The following ZNF318 variants were observed in gnomAD, a reference collection of about 807,000 sequenced individuals.
ZNF318 encodes zinc finger protein 318.
Under a neutral mutation model 124.2 loss-of-function variants are expected in ZNF318, and 51 were observed. That is an observed-to-expected ratio of 0.41 (90% CI 0.33 to 0.52). The LOEUF is 0.52. ZNF318 is among the 20% of genes least tolerant of loss of function. The pLI is 0.23. For missense variants in ZNF318, 2,815 were observed against 2,811.2 expected (o/e 1.00, Z -0.03); for synonymous variants, 1,090 against 1,040.7 (o/e 1.05, Z -0.91).
At chr6:43,361,674 G>A (rs989790125) in intron 2 of ZNF318, among the ~76,000 whole-genome samples, 2 of 152,196 alleles carry the variant, frequency 1.3e-5, no homozygotes, top group African/African-American at 2.4e-5. Flanking sequence ...CAAGTCTTTA[G>A]AAGCCAAGTG....
intron 2 of ZNF318, 109 bp downstream of exon 2, chr6:43,365,183 G>C: frequency 8.0e-7 from 1 of 1,249,660 alleles, no homozygotes; most frequent in Non-Finnish European, 1.1e-6. Flanking sequence ...TGTGGCATAG[G>C]AAATAACTTT....
At chr6:43,351,911 CG>C (rs1779529054) in intron 5 of ZNF318, among the ~76,000 whole-genome samples, 1 of 152,016 alleles carries the variant, frequency 6.6e-6, no homozygotes. Context: ...GAGGCTAAGG[CG>C]GGTGGATCAC....
In ZNF318 at chr6:43,368,961, G is replaced by A; in HGVS notation, c.399+6C>T. ...GGAGGGAGTCCTGGACGAGGGGTGGGATTACCCGGCTGCCGCTGTCGCCTG... is the reference window on the plus strand; with the variant it reads ...GGAGGGAGTCCTGGACGAGGGGTGGAATTACCCGGCTGCCGCTGTCGCCTG... On this transcript the variant is annotated splice_donor_region_variant and intron_variant, in intron 1 of 9. Coordinates refer to ENST00000361428, the MANE Select transcript of ZNF318 (RefSeq NM_014345.3). 3.6e-6 allele frequency: 5 copies of A among 1,400,224 alleles called. No homozygotes were observed. The highest frequency in any genetic ancestry group is 3.7e-6 in the Non-Finnish European group (4 of 1,074,782). The allele number at this position is 1,400,224 out of a possible 1,614,324, so 86.7% of individuals were successfully genotyped here.
intron 4 of ZNF318, among the ~76,000 whole-genome samples, chr6:43,353,851 T>C (rs528472014): frequency 6.6e-6 from 1 of 152,332 alleles, no homozygotes; most frequent in Admixed American, 6.5e-5. Flanking sequence ...CTGCTCTAAA[T>C]TATCAGAATT....
rs73416716 is a variant in ZNF318, at chr6:43,365,547, C to T, written c.400-107G>A. 8,109 of 1,160,606 alleles carry T rather than the reference C, an allele frequency of 7.0e-3. 367 individuals are homozygous for T. In the African/African-American group the frequency reaches 0.098, roughly 14 times the overall value. The allele number at this position is 1,160,606 out of a possible 1,614,324, so 71.9% of individuals were successfully genotyped here. A position where few individuals can be genotyped will look rare whatever the true frequency, so the allele number is the denominator to read the frequency against. ...GTTAGCCAGGCATGGTGGCTCATGC[C>T]TGTATACCCAACACTTTGGGAGGCT... On this transcript the variant is annotated intron_variant, in intron 1 of 9. Transcript: ENST00000361428.
intron 6 of ZNF318, among the ~76,000 whole-genome samples, chr6:43,345,066 G>A (rs1384536368): frequency 1.3e-5 from 2 of 151,772 alleles, no homozygotes; most frequent in African/African-American, 2.4e-5. Flanking sequence ...GAAACATGGC[G>A]AAACCTCAAC....
In ZNF318 at chr6:43,369,061, C is replaced by A; in HGVS notation, c.305G>T (p.Gly102Val). 2.2e-6 allele frequency: 3 copies of A among 1,348,004 alleles called. No individual in the cohort carries two copies. Among genetic ancestry groups the A allele is most frequent in the Non-Finnish European group, 2.9e-6 (3 of 1,046,840 alleles). The allele number at this position is 1,348,004 out of a possible 1,614,324, so 83.5% of individuals were successfully genotyped here. A position where few individuals can be genotyped will look rare whatever the true frequency, so the allele number is the denominator to read the frequency against. The stretch of plus-strand genomic sequence containing the variant: ...GCTGCTGCCTCTGAAGCCGGCCGGG[C>A]CCGGCGGGAAGAGTCGTCGGCCCCG... ...PPRGRRLFPP[G>V]PAGFRGSSRG... Residue 102 changes from glycine to valine, a missense_variant, in exon 1 of 10, where the codon GGC becomes GTC. Physicochemically the swap from Gly to Val is moderately radical, Grantham distance 109 (BLOSUM62 -3). Transcript: ENST00000361428.
chr6:43,369,450 C>G lies in ZNF318; in HGVS notation c.-85G>C. 1 of 1,058,390 alleles carries G rather than the reference C, an allele frequency of 9.4e-7. No homozygotes were observed. The highest frequency in any genetic ancestry group is 1.2e-6 in the Non-Finnish European group (1 of 858,418). 65.6% of individuals were successfully genotyped at this position (1,058,390 alleles called of 1,614,324 possible). A position where few individuals can be genotyped will look rare whatever the true frequency, so the allele number is the denominator to read the frequency against. ...TCGGAGCGCGCCGCCGCAGCTGCAG[C>G]CGCCGCCACCTCGGCCGCTGCGCGC... On this transcript the variant is annotated 5_prime_UTR_variant, in exon 1 of 10. Transcript: ENST00000361428.
At position 43,356,009 on chromosome 6, in the gene ZNF318, G is replaced by A; in HGVS notation, c.1325C>T (p.Ala442Val). Reference protein sequence around the residue: ...IENKGTMVETALKEPQGNLYQ... With the variant: ...IENKGTMVETVLKEPQGNLYQ... ...GAGGTTGCCCTGAGGTTCCTTCAAG[G>A]CAGTCTCTACCATAGTCCCCTTGTT... The change falls in exon 4 of 10, where the codon GCC becomes GTC. Residue 442 changes from alanine (A) to valine (V), a missense_variant. Transcript: ENST00000361428. 6.2e-7 allele frequency: 1 copy of A among 1,614,200 alleles called. No individual in the cohort carries two copies. The highest frequency in any genetic ancestry group is 1.1e-5 in the South Asian group (1 of 91,084).
intron 3 of ZNF318, 59 bp from the exon 4 acceptor site, chr6:43,356,204 GAGAT>G (rs1197840555): frequency 1.3e-6 from 2 of 1,513,660 alleles, no homozygotes; most frequent in African/African-American, 2.8e-5. Flanking sequence ...ATTAGTAATT[GAGAT>G]AAATACTTAA....
chr6:43,368,628 G>A (rs1779792484), intron 1 of ZNF318: 43 of 972,014 alleles, frequency 4.4e-5, no homozygotes, highest in Non-Finnish European at 5.1e-5. Flanking sequence ...GAACCCCGAG[G>A]ACACATCAAC....
chr6:43,369,487 C>G lies in ZNF318; in HGVS notation c.-122G>C, dbSNP rs1351705434. On this transcript the variant is annotated 5_prime_UTR_variant, in exon 1 of 10. Transcript: ENST00000361428. ...CGGCCGCTGCGCGCCGCCTCAGCCG[C>G]GGGAGCAGCCCCCTCCCCTCGGCCC... is the stretch of plus-strand genomic sequence containing the variant. 1.3e-5 allele frequency: 10 copies of G among 780,156 alleles called. No individual in the cohort carries two copies. The highest frequency in any genetic ancestry group is 1.6e-5 in the Non-Finnish European group (10 of 623,066). 48.3% of individuals were successfully genotyped at this position (780,156 alleles called of 1,614,324 possible). A position where few individuals can be genotyped will look rare whatever the true frequency, so the allele number is the denominator to read the frequency against.
chr6:43,368,432 G>A (rs1351367245), intron 1 of ZNF318, among the ~76,000 whole-genome samples: 2 of 152,226 alleles, frequency 1.3e-5, no homozygotes, highest in African/African-American at 4.8e-5. Flanking sequence ...GGCTATGGCA[G>A]TGACTGTGGT....
At position 43,357,616 on chromosome 6, in the gene ZNF318, C is replaced by G. The variant is rs144602640; in HGVS notation, c.698G>C (p.Arg233Pro). 6.2e-7 allele frequency: 1 copy of G among 1,613,974 alleles called. No individual in the cohort carries two copies. The highest frequency in any genetic ancestry group is 8.5e-7 in the Non-Finnish European group (1 of 1,180,014). Residue 233 changes from arginine (R) to proline (P), a missense_variant, in exon 3 of 10, where the codon CGA (arginine) becomes CCA (proline). Transcript: ENST00000361428. ...DYRTKETFLH[R>P]SDYSPHISCH... ...ACTGATATGGGGACTATAATCAGATCGATGCAGGAAAGTTTCTTTTGTTCG... is the reference window on the plus strand; with the variant it reads ...ACTGATATGGGGACTATAATCAGATGGATGCAGGAAAGTTTCTTTTGTTCG...
chr6:43,368,189 T>C (rs901803204), intron 1 of ZNF318, among the ~76,000 whole-genome samples: 4 of 152,198 alleles, frequency 2.6e-5, no homozygotes, highest in East Asian at 1.9e-4. Flanking sequence ...CAGTGAAACA[T>C]AGAGGTTCAA....
In ZNF318 at chr6:43,339,797, AGAG is replaced by A; in HGVS notation, c.4198_4200del (p.Leu1401del). On this transcript the variant is annotated inframe_deletion, in exon 10 of 10. Transcript: ENST00000361428. This position sits in a 1 kb window ranked among gnomAD's most constrained non-coding sequence, Gnocchi z 4.2. ...GCTTTGGAGATGATGTCTGGAGGTA[AGAG>A]GAGATCAGCTGAAGACTCTTTAACC... 12 of 1,614,150 alleles carry A rather than the reference AGAG, an allele frequency of 7.4e-6. No individual in the cohort carries two copies. Among genetic ancestry groups the A allele is most frequent in the Non-Finnish European group, 9.3e-6 (11 of 1,180,018 alleles).
At position 43,354,978 on chromosome 6, in the gene ZNF318, C is replaced by A; in HGVS notation, c.2356G>T (p.Ala786Ser). 6.2e-7 allele frequency: 1 copy of A among 1,609,676 alleles called. No homozygotes were observed. Among genetic ancestry groups the A allele is most frequent in the South Asian group, 1.1e-5 (1 of 90,418 alleles). ...TAGTGCCTATAGGCATCAAAAGAGGCAGGGGGAATGGCAGGTCCCTGGTAG... is the reference window on the plus strand; with the variant it reads ...TAGTGCCTATAGGCATCAAAAGAGGAAGGGGGAATGGCAGGTCCCTGGTAG... ...PNYQGPAIPP[A>S]SFDAYRHYMA... The change falls in exon 4 of 10, where the codon GCC becomes TCC. Residue 786 changes from alanine (A) to serine (S), a missense_variant. Ala to Ser is a moderately conservative substitution (Grantham distance 99). Transcript: ENST00000361428.
chr6:43,367,950 C>T (rs539391688), intron 1 of ZNF318, among the ~76,000 whole-genome samples: 4 of 152,200 alleles, frequency 2.6e-5, no homozygotes, highest in African/African-American at 9.6e-5. Context: ...GATTGAACCC[C>T]GGAGGCGGAG....
In ZNF318 at chr6:43,356,186, C is replaced by G. The variant is rs747925904; in HGVS notation, c.1189-41G>C. 4 of 1,561,794 alleles carry G rather than the reference C, an allele frequency of 2.6e-6. No individual in the cohort carries two copies. The South Asian group carries it at 3.7e-5, about 14-fold the overall frequency. ...CAACTGATTTAGTCTTATGCAGAAT[C>G]TCAGAACATTAGTAATTGAGATAAA... On this transcript the variant is annotated intron_variant, in intron 3 of 9. Transcript: ENST00000361428.
Sources: allele counts gnomAD v4.1 joint callset (sites outside exome capture counted in the v4.1 genomes callset), GRCh38; gene constraint gnomAD v4.1.1; non-coding constraint Gnocchi (gnomAD v3.1); transcripts MANE v1.5; gene names NCBI Gene and HGNC (gene_info 2026-07-23, HGNC 2026-07-21).